The following ATP11A variants were observed in gnomAD, a reference collection of about 807,000 sequenced individuals.
ATP11A encodes the protein ATPase phospholipid transporting 11A.
Under a neutral mutation model 154.4 loss-of-function variants are expected in ATP11A, and 81 were observed. The observed-to-expected ratio is 0.52, with a 90% CI of 0.44 to 0.63. The LOEUF (loss-of-function observed/expected upper bound fraction) is 0.63. Among genes scored for constraint, ATP11A ranks in the 30% least tolerant of loss-of-function variants. The pLI is 0.00. For synonymous variants in ATP11A, 623 were observed against 585.9 expected, an observed-to-expected ratio of 1.06 and a Z score of -0.91; for missense variants, 1,316 against 1,474.3, an observed-to-expected ratio of 0.89 and a Z score of 1.76.
At chr13:112,839,077 CAT>C (rs1043241600) in intron 16 of ATP11A, among the ~76,000 whole-genome samples, 3 of 152,250 alleles carry the variant, frequency 2.0e-5, no homozygotes, top group East Asian at 1.9e-4. Context: ...GTACCTCAGT[CAT>C]GTGTGCTTTC....
chr13:112,835,149 G>C (rs987919421), intron 15 of ATP11A, among the ~76,000 whole-genome samples: 3 of 151,890 alleles, frequency 2.0e-5, no homozygotes, highest in African/African-American at 7.3e-5. Context: ...GTTTGATGTT[G>C]GATTGTTTTA....
Position 112,850,155 on chromosome 13 carries a change from G to A in ATP11A, c.1810-882G>A, listed in dbSNP as rs112477477. 3.3e-3 allele frequency among the ~76,000 whole-genome samples: 510 copies of A among 152,312 alleles called. 8 individuals are homozygous for A. Among genetic ancestry groups the A allele is most frequent in the Non-Finnish European group, 1.2e-3 (80 of 68,032 alleles). On this transcript the variant is annotated intron_variant, in intron 17 of 29. Coordinates refer to ENST00000375645, the MANE Select transcript of ATP11A (RefSeq NM_015205.3). ...GAGCCTTCCCTGAGAGTTAGGAGACGCTTCATCTCATAGAACGGAAAACAT... is the reference window on the plus strand; with the variant it reads ...GAGCCTTCCCTGAGAGTTAGGAGACACTTCATCTCATAGAACGGAAAACAT...
At chr13:112,861,230 G>A (rs550292027) in intron 24 of ATP11A, among the ~76,000 whole-genome samples, 2 of 152,310 alleles carry the variant, frequency 1.3e-5, no homozygotes, top group South Asian at 2.1e-4. Context: ...CTCCCATGAT[G>A]CGTGGGGATC....
chr13:112,832,957 G>C lies in ATP11A; in HGVS notation c.1493G>C (p.Gly498Ala), dbSNP rs1277484092. 1 of 1,613,926 alleles carries C rather than the reference G, an allele frequency of 6.2e-7. No homozygotes were observed. Among genetic ancestry groups the C allele is most frequent in the African/African-American group, 1.3e-5 (1 of 75,054 alleles). Residue 498 changes from glycine to alanine, a missense_variant, in exon 14 of 30, where the codon GGG becomes GCG. Coordinates refer to ENST00000375645, the MANE Select transcript of ATP11A (RefSeq NM_015205.3). ...SVDGPRKSPD[G>A]GKSCVYISSS... ...GACGGCCCCAGGAAATCGCCGGACG[G>C]GGGGAAATCCTGTGTGTACATCTCA...
intron 1 of ATP11A, among the ~76,000 whole-genome samples, chr13:112,761,122 C>A (rs34618332): frequency 6.6e-6 from 1 of 152,130 alleles, no homozygotes; most frequent in African/African-American, 2.4e-5. Flanking sequence ...CTCCCCACCC[C>A]CCTTATGGCC....
At chr13:112,819,260 T>C in intron 6 of ATP11A, 44 bp from the exon 7 acceptor site, 1 of 1,574,172 alleles carries the variant, frequency 6.4e-7, no homozygotes, top group South Asian at 1.1e-5. Context: ...TGGGTTTGTG[T>C]TGACCGTTTT....
chr13:112,705,627 A>G (rs1424453679), intron 1 of ATP11A, among the ~76,000 whole-genome samples: 1 of 152,234 alleles, frequency 6.6e-6, no homozygotes, highest in Non-Finnish European at 1.5e-5. Context: ...CTCCAGGCAG[A>G]GGAAGCCCCC....
chr13:112,715,299 CAT>C, intron 1 of ATP11A, among the ~76,000 whole-genome samples: 1 of 152,234 alleles, frequency 6.6e-6, no homozygotes, highest in South Asian at 2.1e-4. Flanking sequence ...CCTGGGGTGA[CAT>C]GTGCACTCTT....
At chr13:112,805,958 C>T (rs960718794) in intron 3 of ATP11A, among the ~76,000 whole-genome samples, 4 of 151,412 alleles carry the variant, frequency 2.6e-5, no homozygotes, top group African/African-American at 4.9e-5. Flanking sequence ...AGGCGTGCCC[C>T]GACTTCAGAC....
chr13:112,726,607 A>G (rs566534635), intron 1 of ATP11A, among the ~76,000 whole-genome samples: 148 of 152,270 alleles, frequency 9.7e-4, no homozygotes, highest in Non-Finnish European at 1.5e-3. Flanking sequence ...GTCCTCTCTA[A>G]TGCTCCAGCC....
intron 1 of ATP11A, among the ~76,000 whole-genome samples, chr13:112,743,862 A>T (rs1173767113): frequency 6.6e-6 from 1 of 152,194 alleles, no homozygotes; most frequent in African/African-American, 2.4e-5. Context: ...CAGAGGCTTC[A>T]TTTTGAATTT....
At chr13:112,801,446 G>GT (rs1164427774) in intron 2 of ATP11A, among the ~76,000 whole-genome samples, 1 of 152,184 alleles carries the variant, frequency 6.6e-6, no homozygotes, top group Non-Finnish European at 1.5e-5. Flanking sequence ...AGCTAATACA[G>GT]TAAGAGTAGA....
At chr13:112,781,102 G>A (rs978076839) in intron 1 of ATP11A, among the ~76,000 whole-genome samples, 5 of 152,078 alleles carry the variant, frequency 3.3e-5, no homozygotes, top group Admixed American at 1.3e-4. Flanking sequence ...GAGCAGAGGC[G>A]CCATCTTGTC....
intron 2 of ATP11A, among the ~76,000 whole-genome samples, chr13:112,796,230 G>C (rs1266949802): frequency 3.3e-5 from 5 of 152,118 alleles, no homozygotes; most frequent in Non-Finnish European, 7.3e-5. Context: ...TCTCAATTTG[G>C]TTGCATTCCC....
At chr13:112,815,067 C>A (rs1461564735) in intron 5 of ATP11A, among the ~76,000 whole-genome samples, 2 of 152,220 alleles carry the variant, frequency 1.3e-5, no homozygotes, top group African/African-American at 2.4e-5. Flanking sequence ...TGGCATGCCT[C>A]CCGAGTGGCA....
At chr13:112,803,065 A>T (rs900638195) in intron 2 of ATP11A, among the ~76,000 whole-genome samples, 2 of 152,198 alleles carry the variant, frequency 1.3e-5, no homozygotes, top group African/African-American at 4.8e-5. Flanking sequence ...GTTGTCATGA[A>T]CTGGGGGGAG....
At position 112,754,114 on chromosome 13, in the gene ATP11A, G is replaced by A. The variant is rs532279146; in HGVS notation, c.40-31021G>A. ...GGCTTCACTCTCTTCAGCGCCTGGG[G>A]CCTTCATCCTGAGCCGCAGTTGGAG... On this transcript the variant is annotated intron_variant, in intron 1 of 29. Coordinates refer to ENST00000375645, the MANE Select transcript of ATP11A (RefSeq NM_015205.3). The surrounding 1 kb of genome is among the most constrained non-coding windows in gnomAD (Gnocchi z 5.3). 3.9e-5 allele frequency among the ~76,000 whole-genome samples: 6 copies of A among 152,288 alleles called. No individual in the cohort carries two copies. The South Asian group carries it at 6.2e-4, about 16-fold the overall frequency.
intron 2 of ATP11A, among the ~76,000 whole-genome samples, chr13:112,791,572 G>A (rs1446656479): frequency 6.6e-6 from 1 of 152,234 alleles, no homozygotes; most frequent in East Asian, 1.9e-4. Flanking sequence ...TGGAGGAGAT[G>A]ACAGAGCATG....
rs765615592 is a variant in ATP11A at position 112,881,892 on chromosome 13, G to C, written c.*26G>C. On this transcript the variant is annotated 3_prime_UTR_variant, in exon 30 of 30. Transcript: ENST00000375645. ...TCTCTGCAGAGCCCAGGCTACCAGA[G>C]CACCTGTCCCTCGGCCGCCTGGTAC... The C allele has an allele frequency of 2.2e-5, 30 of 1,367,664 alleles. No individual in the cohort carries two copies. The South Asian group carries it at 3.3e-4, about 15-fold the overall frequency. 84.7% of individuals were successfully genotyped at this position (1,367,664 alleles called of 1,614,324 possible).
Sources: allele counts gnomAD v4.1 joint callset (sites outside exome capture counted in the v4.1 genomes callset), GRCh38; gene constraint gnomAD v4.1.1; non-coding constraint Gnocchi (gnomAD v3.1); transcripts MANE v1.5; gene names NCBI Gene and HGNC (gene_info 2026-07-23, HGNC 2026-07-21).